HECTD2: variants seen among roughly 807,000 people sequenced by gnomAD.
The protein encoded by HECTD2 is HECT domain E3 ubiquitin protein ligase 2, also known as probable E3 ubiquitin-protein ligase HECTD2.
HECTD2 carries 35 observed loss-of-function variants against 103.2 expected under a neutral mutation model. That is an observed-to-expected ratio of 0.34 (90% CI 0.26 to 0.45). The LOEUF (loss-of-function observed/expected upper bound fraction) is 0.45, where lower values mean the gene tolerates loss of function less well. Ranked by LOEUF, HECTD2 falls within the 20% of genes least tolerant of loss-of-function variation. The pLI is 1.00. For synonymous variants in HECTD2, 281 were observed against 329.9 expected, an observed-to-expected ratio of 0.85 and a Z score of 1.61; for missense variants, 596 against 937.4, an observed-to-expected ratio of 0.64 and a Z score of 4.76.
At chr10:91,473,646 A>G (rs1246228088) in intron 5 of HECTD2, among the ~76,000 whole-genome samples, 1 of 152,162 alleles carries the variant, frequency 6.6e-6, no homozygotes, top group Non-Finnish European at 1.5e-5. Flanking sequence ...TCCTTAGCCT[A>G]CTTAATGTGA....
At chr10:91,491,425 C>A in intron 12 of HECTD2, 118 bp downstream of exon 12, 1 of 529,692 alleles carries the variant, frequency 1.9e-6, no homozygotes, top group South Asian at 2.6e-5. Flanking sequence ...TCCTTAAATT[C>A]TTTTGAAGAT....
intron 2 of HECTD2, among the ~76,000 whole-genome samples, chr10:91,455,987 A>G (rs1303403281): frequency 6.6e-6 from 1 of 152,116 alleles, no homozygotes; most frequent in Non-Finnish European, 1.5e-5. Context: ...CTTGTAGTAT[A>G]GTTTGAAGTC....
In HECTD2 at chr10:91,513,657, A is replaced by G. The variant is rs1847509500; in HGVS notation, c.*1273A>G. On this transcript the variant is annotated 3_prime_UTR_variant, in exon 21 of 21. Coordinates refer to ENST00000298068, the MANE Select transcript of HECTD2 (RefSeq NM_182765.6). ...ACCAAGACTTCTCTACCATACTTTA[A>G]CAGCTTTCCTTCAGAAAACTCTGAA... 6.6e-6 allele frequency: 1 copy of G among 152,630 alleles called. No individual in the cohort carries two copies. Among genetic ancestry groups the G allele is most frequent in the Non-Finnish European group, 1.5e-5 (1 of 68,030 alleles). The allele number at this position is 152,630 out of a possible 1,614,324, so 9.5% of individuals were successfully genotyped here.
At chr10:91,436,163 T>C (rs1844109113) in intron 2 of HECTD2, among the ~76,000 whole-genome samples, 1 of 151,980 alleles carries the variant, frequency 6.6e-6, no homozygotes, top group Admixed American at 6.6e-5. Context: ...TGTTTTGGTC[T>C]CTGTCCTCCA....
chr10:91,455,622 G>C (rs1355805039), intron 2 of HECTD2, among the ~76,000 whole-genome samples: 1 of 152,074 alleles, frequency 6.6e-6, no homozygotes, highest in African/African-American at 2.4e-5. Context: ...ATTGCTTTTT[G>C]TGTTTTAGAC....
At chr10:91,420,429 C>CA (rs113416881) in intron 1 of HECTD2, among the ~76,000 whole-genome samples, 27,231 of 132,186 alleles carry the variant, frequency 0.21, 5,876 homozygotes, top group African/African-American at 0.55. Context: ...ACTAAGAATA[C>CA]AAAAAAAAAA....
At chr10:91,432,757 T>G (rs1843942827) in intron 2 of HECTD2, among the ~76,000 whole-genome samples, 1 of 151,978 alleles carries the variant, frequency 6.6e-6, no homozygotes, top group Non-Finnish European at 1.5e-5. Context: ...CATAGCCAGC[T>G]CAGGCCATTT....
Position 91,461,046 on chromosome 10 carries a change from T to A in HECTD2, c.408-208T>A, listed in dbSNP as rs112955574. ...AGCGACATGTTAAGGATGATCTTTT[T>A]TAAAAATAAGTAAATGGGAAAGTTG... On this transcript the variant is annotated intron_variant, in intron 3 of 20. Transcript: ENST00000298068. Among the ~76,000 whole-genome samples the A allele has an allele frequency of 3.7e-3, 569 of 152,318 alleles. 1 individual carries two copies. Among genetic ancestry groups the A allele is most frequent in the Non-Finnish European group, 6.5e-3 (441 of 68,020 alleles).
chr10:91,464,890 A>C (rs1286911408), intron 5 of HECTD2, among the ~76,000 whole-genome samples: 1 of 152,252 alleles, frequency 6.6e-6, no homozygotes, highest in Non-Finnish European at 1.5e-5. Context: ...TTAAATATAC[A>C]GATATGAGGG....
chr10:91,480,148 G>A (rs1021442741), intron 6 of HECTD2, among the ~76,000 whole-genome samples: 2 of 152,062 alleles, frequency 1.3e-5, no homozygotes, highest in African/African-American at 4.8e-5. Context: ...CAAACTGGGA[G>A]TTAGCTGCTT....
intron 8 of HECTD2, chr10:91,484,103 A>G (rs1289200897): frequency 2.1e-6 from 1 of 467,020 alleles, no homozygotes; most frequent in African/African-American, 2.0e-5. Context: ...GCAGAACATC[A>G]CTTTGACCTC....
chr10:91,414,385 T>C (rs1843039518), intron 1 of HECTD2, among the ~76,000 whole-genome samples: 1 of 152,164 alleles, frequency 6.6e-6, no homozygotes, highest in African/African-American at 2.4e-5. Flanking sequence ...GGCTTATCAG[T>C]TGTGTATAAA....
chr10:91,444,645 C>T (rs1844517059), intron 2 of HECTD2, among the ~76,000 whole-genome samples: 1 of 152,086 alleles, frequency 6.6e-6, no homozygotes, highest in Admixed American at 6.5e-5. Context: ...GGCATTGTTT[C>T]CAGAGACAGG....
At chr10:91,498,337 C>G (rs1402083617) in intron 16 of HECTD2, among the ~76,000 whole-genome samples, 155 bp downstream of exon 16, 7 of 152,198 alleles carry the variant, frequency 4.6e-5, no homozygotes, top group Non-Finnish European at 8.8e-5. Context: ...ATAAAGTAGA[C>G]ATGTGTAGAT....
At chr10:91,474,905 A>G (rs1376769346) in intron 5 of HECTD2, among the ~76,000 whole-genome samples, 5 of 152,212 alleles carry the variant, frequency 3.3e-5, no homozygotes, top group African/African-American at 1.2e-4. Context: ...AAAATAACTG[A>G]AACCATGAGA....
chr10:91,462,235 C>G, intron 5 of HECTD2, 51 bp downstream of exon 5: 1 of 1,479,544 alleles, frequency 6.8e-7, no homozygotes, highest in South Asian at 1.4e-5. Context: ...TTCTGTATAT[C>G]AAAAGCAGCC....
intron 1 of HECTD2, among the ~76,000 whole-genome samples, chr10:91,420,628 T>C (rs1466659212): frequency 6.6e-6 from 1 of 152,030 alleles, no homozygotes; most frequent in Non-Finnish European, 1.5e-5. Context: ...ATCAGTCTAC[T>C]ATGCCTCCTT....
At chr10:91,492,305 T>C in intron 12 of HECTD2, 47 bp from the exon 13 acceptor site, 1 of 1,561,858 alleles carries the variant, frequency 6.4e-7, no homozygotes. Flanking sequence ...GTTAATTCTC[T>C]TTTCACTGCT....
chr10:91,487,023 G>A lies in HECTD2; in HGVS notation c.1095-659G>A, dbSNP rs1446595432. ...GCTGCCATATTCATTCTTTCTAAATGCATTTATCTCTGTGTAGTTTGTGGC... is the reference window on the plus strand; with the variant it reads ...GCTGCCATATTCATTCTTTCTAAATACATTTATCTCTGTGTAGTTTGTGGC... On this transcript the variant is annotated intron_variant, in intron 10 of 20. Transcript: ENST00000298068. The surrounding 1 kb of genome is among the most constrained non-coding windows in gnomAD (Gnocchi z 4.1). 1 of 152,180 alleles carries A rather than the reference G, an allele frequency of 6.6e-6. No homozygotes were observed. Among genetic ancestry groups the A allele is most frequent in the African/African-American group, 2.4e-5 (1 of 41,372 alleles). The allele number at this position is 152,180 out of a possible 1,614,324, so 9.4% of individuals were successfully genotyped here. A position where few individuals can be genotyped will look rare whatever the true frequency, so the allele number is the denominator to read the frequency against.
Sources: allele counts gnomAD v4.1 joint callset (sites outside exome capture counted in the v4.1 genomes callset), GRCh38; gene constraint gnomAD v4.1.1; non-coding constraint Gnocchi (gnomAD v3.1); transcripts MANE v1.5; gene names NCBI Gene and HGNC (gene_info 2026-07-23, HGNC 2026-07-21).